The following NIPSNAP3B variants were observed in gnomAD, a reference collection of about 807,000 sequenced individuals.
The protein encoded by NIPSNAP3B is protein NipSnap homolog 3B.
A neutral mutation model predicts 31.5 loss-of-function variants in NIPSNAP3B; 30 were observed. The observed-to-expected ratio is 0.95, with a 90% CI of 0.71 to 1.29. The LOEUF (loss-of-function observed/expected upper bound fraction) is 1.29. Among genes scored for constraint, NIPSNAP3B ranks in the 50% most tolerant of loss-of-function variants. The pLI is 0.00. For synonymous variants in NIPSNAP3B, 106 were observed against 107.9 expected (o/e 0.98, Z 0.11); for missense variants, 269 against 300.7 (o/e 0.89, Z 0.78).
At chr9:104,781,482 G>A (rs975263625), downstream of NIPSNAP3B, 1 of 152,434 alleles carries the variant, frequency 6.6e-6, no homozygotes, top group Non-Finnish European at 1.5e-5. Context: ...TGGCTCTTTG[G>A]AAAATATTTT....
In NIPSNAP3B at chr9:104,773,194, T is replaced by G; in HGVS notation, c.*121T>G. ...AGGAGGTGGTAAGTTAATTAGTTAATTTGCTGTGCTTCTTGCATTTTTGAA... is the reference window on the plus strand; with the variant it reads ...AGGAGGTGGTAAGTTAATTAGTTAAGTTGCTGTGCTTCTTGCATTTTTGAA... On this transcript the variant is annotated 3_prime_UTR_variant, in exon 6 of 6. Coordinates refer to ENST00000374762, the MANE Select transcript of NIPSNAP3B (RefSeq NM_018376.4). 1.1e-6 allele frequency: 1 copy of G among 924,318 alleles called. No homozygotes were observed. Among genetic ancestry groups the G allele is most frequent in the Non-Finnish European group, 1.6e-6 (1 of 608,290 alleles). 57.3% of individuals were successfully genotyped at this position (924,318 alleles called of 1,614,324 possible).
chr9:104,777,935 A>T (rs538388031), downstream of NIPSNAP3B, among the ~76,000 whole-genome samples: 26 of 152,312 alleles, frequency 1.7e-4, 1 homozygote, highest in South Asian at 1.7e-3. Flanking sequence ...CTCTGTCTTA[A>T]CAAATTCAAT....
Position 104,764,385 on chromosome 9 carries a change from C to G in NIPSNAP3B, c.60+85C>G, listed in dbSNP as rs370708793. 4 of 1,204,382 alleles carry G rather than the reference C, an allele frequency of 3.3e-6. No homozygotes were observed. In the African/African-American group the frequency reaches 4.8e-5, roughly 14 times the overall value. 74.6% of individuals were successfully genotyped at this position (1,204,382 alleles called of 1,614,324 possible). A position where few individuals can be genotyped will look rare whatever the true frequency, so the allele number is the denominator to read the frequency against. On this transcript the variant is annotated intron_variant, in intron 1 of 5. Transcript: ENST00000374762. ...ATTTCTGAAGCGTGCGAGCCACGCT[C>G]AGGCGCTCCCAGACCTGGGGCCCCG...
intron 2 of NIPSNAP3B, among the ~76,000 whole-genome samples, chr9:104,767,575 A>C (rs545416418): frequency 6.6e-6 from 1 of 152,290 alleles, no homozygotes; most frequent in African/African-American, 2.4e-5. Flanking sequence ...TCCCTGTTAT[A>C]ATAAAACAGA....
rs1326583364 is a variant in NIPSNAP3B at position 104,776,583 on chromosome 9, T to TA, written c.*3511dup. 1.3e-5 allele frequency among the ~76,000 whole-genome samples: 2 copies of TA among 152,162 alleles called. No homozygotes were observed. Among genetic ancestry groups the TA allele is most frequent in the East Asian group, 3.8e-4 (2 of 5,196 alleles). ...CTTCTTCATGCTGGCACCCTGGTCT[T>TA]AGACTTCCCAGCCACTAGATCTGTG... On this transcript the variant is annotated 3_prime_UTR_variant, in exon 6 of 6. Transcript: ENST00000374762.
chr9:104,786,632 C>T, the NIPSNAP3B span, among the ~76,000 whole-genome samples: 1 of 152,066 alleles, frequency 6.6e-6, no homozygotes, highest in Non-Finnish European at 1.5e-5. Context: ...GAATACTATC[C>T]AGCTATAAGA....
In NIPSNAP3B at chr9:104,766,378, A is replaced by G. The variant is rs757999249; in HGVS notation, c.114A>G (p.Glu38=). The change falls in exon 2 of 6, where the codon GAA becomes GAG. Residue 38 remains glutamate (E), a synonymous_variant. Transcript: ENST00000374762. ...GACAATACGATGGAACGTTCTATGAATTTCGTACTTATTACCTTAAACCTT... is the reference window on the plus strand; with the variant it reads ...GACAATACGATGGAACGTTCTATGAGTTTCGTACTTATTACCTTAAACCTT... ...GPRQYDGTFY[E]FRTYYLKPSN... The G allele has an allele frequency of 3.1e-5, 50 of 1,613,682 alleles. No homozygotes were observed. Among genetic ancestry groups the G allele is most frequent in the African/African-American group, 2.3e-4 (17 of 74,894 alleles).
At position 104,776,141 on chromosome 9, in the gene NIPSNAP3B, G is replaced by A. The variant is rs1255143452; in HGVS notation, c.*3068G>A. Among the ~76,000 whole-genome samples, 1 of 152,112 alleles carries A rather than the reference G, an allele frequency of 6.6e-6. No homozygotes were observed. Among genetic ancestry groups the A allele is most frequent in the Non-Finnish European group, 1.5e-5 (1 of 68,032 alleles). ...TGGTCTACAAGTCTTTACATGATCTGTCCTGTTACATTTTCCACTCTCGCT... is the reference window on the plus strand; with the variant it reads ...TGGTCTACAAGTCTTTACATGATCTATCCTGTTACATTTTCCACTCTCGCT... On this transcript the variant is annotated 3_prime_UTR_variant, in exon 6 of 6. Transcript: ENST00000374762.
chr9:104,771,630 T>C (rs10118769), intron 4 of NIPSNAP3B, among the ~76,000 whole-genome samples: 6,302 of 152,258 alleles, frequency 0.041, 251 homozygotes, highest in East Asian at 0.23. Flanking sequence ...GGTGGGCATA[T>C]AGGTTTTCAT....
chr9:104,764,540 A>ATTTTTG (rs1828050386), intron 1 of NIPSNAP3B, among the ~76,000 whole-genome samples: 2 of 151,886 alleles, frequency 1.3e-5, no homozygotes. Context: ...TGTTTTTGTG[A>ATTTTTG]TTTTTGTTTT....
At chr9:104,765,998 T>C (rs1039506927) in intron 1 of NIPSNAP3B, among the ~76,000 whole-genome samples, 1 of 152,212 alleles carries the variant, frequency 6.6e-6, no homozygotes, top group Non-Finnish European at 1.5e-5. Context: ...AAACCCTTTG[T>C]AAATTAAAGA....
At chr9:104,767,256 C>T (rs1253516181) in intron 2 of NIPSNAP3B, among the ~76,000 whole-genome samples, 1 of 151,704 alleles carries the variant, frequency 6.6e-6, no homozygotes, top group Non-Finnish European at 1.5e-5. Flanking sequence ...ATTTCTGTAC[C>T]CCAGAGTTTC....
At chr9:104,782,489 C>G (rs1828601499), downstream of NIPSNAP3B, 2 of 152,104 alleles carry the variant, frequency 1.3e-5, no homozygotes, top group Non-Finnish European at 2.9e-5. Context: ...ATAGTTCTCT[C>G]ATATTTTTCT....
At chr9:104,782,500 TTTCTCTC>T (rs1246683777), downstream of NIPSNAP3B, 1 of 152,204 alleles carries the variant, frequency 6.6e-6, no homozygotes, top group African/African-American at 2.4e-5. Context: ...ATATTTTTCT[TTTCTCTC>T]AAGACAGTTA....
chr9:104,772,464 T>G (rs1383877535), intron 4 of NIPSNAP3B, among the ~76,000 whole-genome samples: 2 of 152,140 alleles, frequency 1.3e-5, no homozygotes, highest in African/African-American at 4.8e-5. Context: ...GCAGTTAAGA[T>G]TATACTAACT....
At chr9:104,786,051 G>A in the NIPSNAP3B span, among the ~76,000 whole-genome samples, 1 of 152,178 alleles carries the variant, frequency 6.6e-6, no homozygotes, top group Admixed American at 6.5e-5. Flanking sequence ...ACAAAGCTAG[G>A]AGGTAGATCT....
chr9:104,764,556 T>C (rs1236078317), intron 1 of NIPSNAP3B, among the ~76,000 whole-genome samples: 1 of 152,198 alleles, frequency 6.6e-6, no homozygotes, highest in Non-Finnish European at 1.5e-5. Context: ...GTTTTTGTTT[T>C]TGAGACGGAG....
At chr9:104,784,207 AC>A in the NIPSNAP3B span, 1 of 1,405,880 alleles carries the variant, frequency 7.1e-7, no homozygotes, top group Non-Finnish European at 1.0e-6. Flanking sequence ...TATCCAGTTT[AC>A]TTCTTCCCAC....
chr9:104,788,161 A>G, the NIPSNAP3B span: 4 of 1,323,022 alleles, frequency 3.0e-6, no homozygotes, highest in South Asian at 1.2e-5. Context: ...ACTAGATTCT[A>G]TAATCATAAC....
Sources: gnomAD v4.1 joint callset for allele counts (sites outside exome capture counted in the v4.1 genomes callset) on GRCh38, gnomAD v4.1.1 for gene constraint, MANE v1.5 for transcripts, NCBI Gene and HGNC (gene_info 2026-07-23, HGNC 2026-07-21) for gene names.